Variants in EDC4 observed in about 807,000 individuals in gnomAD.
The protein encoded by EDC4 is enhancer of mRNA decapping 4.
In EDC4, 64 loss-of-function variants were observed where a neutral mutation model predicts 155.8. That is an observed-to-expected ratio of 0.41 (90% CI 0.34 to 0.51). The LOEUF (loss-of-function observed/expected upper bound fraction) is 0.51, where lower values mean the gene tolerates loss of function less well. Ranked by LOEUF, EDC4 falls within the 20% of genes least tolerant of loss-of-function variation. The pLI, the probability that EDC4 is intolerant of heterozygous loss-of-function variation, is 0.19. For synonymous variants in EDC4, 684 were observed against 716.8 expected, an observed-to-expected ratio of 0.95 and a Z score of 0.73; for missense variants, 1,303 against 1,812.5, an observed-to-expected ratio of 0.72 and a Z score of 5.10.
chr16:67,881,751 G>T lies in EDC4; in HGVS notation c.2910G>T (p.Glu970Asp). The T allele has an allele frequency of 6.2e-7, 1 of 1,614,116 alleles. No homozygotes were observed. The highest frequency in any genetic ancestry group is 8.5e-7 in the Non-Finnish European group (1 of 1,180,006). The part of the protein sequence containing the change: ...ELAELRHSQE[E>D]LLQRLCTQLE... ...CAGAGCTGCGGCACAGCCAGGAAGAGCTGCTGCAGCGTCTGTGTACCCAAC... is the reference window on the plus strand; with the variant it reads ...CAGAGCTGCGGCACAGCCAGGAAGATCTGCTGCAGCGTCTGTGTACCCAAC... The change falls in exon 22 of 29, where the codon GAG becomes GAT. Residue 970 changes from glutamate to aspartate, a missense_variant. By Grantham distance (45) the Glu-to-Asp change is conservative (BLOSUM62 2). Coordinates refer to ENST00000358933, the MANE Select transcript of EDC4 (RefSeq NM_014329.5). This position sits in a 1 kb window ranked among gnomAD's most constrained non-coding sequence, Gnocchi z 5.4.
Position 67,882,711 on chromosome 16 carries a change from CG to C in EDC4, c.3477del (p.Lys1160ArgfsTer12). On this transcript the variant is annotated frameshift_variant, in exon 26 of 29. Coordinates refer to ENST00000358933, the MANE Select transcript of EDC4 (RefSeq NM_014329.5). LOFTEE classifies it high-confidence loss of function. This position sits in a 1 kb window ranked among gnomAD's most constrained non-coding sequence, Gnocchi z 7.2. ...LQQLESHMKSRKAREQEAREP... is the reference protein window; with the variant it reads ...LQQLESHMKSXKAREQEAREP... ...GCAGCTAGAAAGCCACATGAAGAGC[CG>C]GAAGGCACGGGAACAGGAGGCCAGG... 6.2e-7 allele frequency: 1 copy of C among 1,614,232 alleles called. No homozygotes were observed. Among genetic ancestry groups the C allele is most frequent in the Non-Finnish European group, 8.5e-7 (1 of 1,180,042 alleles).
rs553326569 is a variant in EDC4 at position 67,877,951 on chromosome 16, G to C, written c.894+106G>C. 2 of 1,532,050 alleles carry C rather than the reference G, an allele frequency of 1.3e-6. No individual in the cohort carries two copies. The highest frequency in any genetic ancestry group is 2.7e-5 in the African/African-American group (2 of 73,000). 94.9% of individuals were successfully genotyped at this position (1,532,050 alleles called of 1,614,324 possible). A position where few individuals can be genotyped will look rare whatever the true frequency, so the allele number is the denominator to read the frequency against. On this transcript the variant is annotated intron_variant, in intron 7 of 28. Coordinates refer to ENST00000358933, the MANE Select transcript of EDC4 (RefSeq NM_014329.5). This position sits in a 1 kb window ranked among gnomAD's most constrained non-coding sequence, Gnocchi z 4.9. ...GGGCAGCTTTACTAGCATTCTGCCC[G>C]TGGGGACTCTGAGCTCAAATTGGCC... is the stretch of plus-strand genomic sequence containing the variant.
Position 67,884,064 on chromosome 16 carries a change from G to A in EDC4, c.4122G>A (p.Gln1374=), listed in dbSNP as rs776427666. 6.2e-7 allele frequency: 1 copy of A among 1,614,160 alleles called. No homozygotes were observed. The highest frequency in any genetic ancestry group is 8.5e-7 in the Non-Finnish European group (1 of 1,180,034). The stretch of plus-strand genomic sequence containing the variant: ...GCCAAAAGCTTTTTCAGTTCCTGCA[G>A]GCTGAGCCACACAACTCACTTGGCA... ...QVRQKLFQFL[Q]AEPHNSLGKA... Residue 1374 remains glutamine, a synonymous_variant, in exon 29 of 29, where the codon CAG becomes CAA. Transcript: ENST00000358933. This position sits in a 1 kb window ranked among gnomAD's most constrained non-coding sequence, Gnocchi z 4.1.
At position 67,877,682 on chromosome 16, in the gene EDC4, G is replaced by A. The variant is rs1459103122; in HGVS notation, c.789+26G>A. 2 of 1,614,074 alleles carry A rather than the reference G, an allele frequency of 1.2e-6. No homozygotes were observed. The highest frequency in any genetic ancestry group is 1.7e-6 in the Non-Finnish European group (2 of 1,180,014). ...GTGAGGGGGCTGACATGGCGAAGAG[G>A]CGCCAGAGAAGCCATAGTGTGGGGT... On this transcript the variant is annotated intron_variant, in intron 6 of 28. Transcript: ENST00000358933. The surrounding 1 kb of genome is among the most constrained non-coding windows in gnomAD (Gnocchi z 4.9).
Position 67,879,435 on chromosome 16 carries a change from G to A in EDC4, c.1565G>A (p.Arg522His), listed in dbSNP as rs370365160. ...AGGGCACTGCAAGATGTGCAGATCCGCTTCCAGCCACAGCTGAACCCTGAT... is the reference window on the plus strand; with the variant it reads ...AGGGCACTGCAAGATGTGCAGATCCACTTCCAGCCACAGCTGAACCCTGAT... ...HTKALQDVQI[R>H]FQPQLNPDVV... Residue 522 changes from arginine (R) to histidine (H), a missense_variant, in exon 14 of 29, where the codon CGC becomes CAC. Arg to His is a conservative substitution (Grantham distance 29). This residue lies in a region of EDC4 where 391 missense variants were observed against 445.4 expected (regional missense o/e 0.88). Coordinates refer to ENST00000358933, the MANE Select transcript of EDC4 (RefSeq NM_014329.5). This position sits in a 1 kb window ranked among gnomAD's most constrained non-coding sequence, Gnocchi z 6.0. 102 of 1,614,124 alleles carry A rather than the reference G, an allele frequency of 6.3e-5. No individual in the cohort carries two copies. In the South Asian group the frequency reaches 9.3e-4, roughly 15 times the overall value.
Position 67,873,261 on chromosome 16 carries a change from C to A in EDC4, c.-1C>A. 2.1e-6 allele frequency: 3 copies of A among 1,459,692 alleles called. No homozygotes were observed. Among genetic ancestry groups the A allele is most frequent in the Middle Eastern group, 2.1e-4 (1 of 4,720 alleles). The allele number at this position is 1,459,692 out of a possible 1,614,324, so 90.4% of individuals were successfully genotyped here. ...CGGGCGGGGCGCCCGCCGCAGGGCC[C>A]ATGGCCTCCTGCGCGAGCATCGACA... On this transcript the variant is annotated 5_prime_UTR_variant, in exon 1 of 29. Transcript: ENST00000358933.
rs1237275580 is a variant in EDC4, at chr16:67,876,048, C to G, written c.186C>G (p.Asn62Lys). 5 of 1,614,082 alleles carry G rather than the reference C, an allele frequency of 3.1e-6. No individual in the cohort carries two copies. The highest frequency in any genetic ancestry group is 4.2e-6 in the Non-Finnish European group (5 of 1,180,048). Residue 62 changes from asparagine to lysine, a missense_variant, in exon 2 of 29, where the codon AAC becomes AAG. This residue lies in a region of EDC4 where 99 missense variants were observed against 121.3 expected (regional missense o/e 0.82). Transcript: ENST00000358933. This position sits in a 1 kb window ranked among gnomAD's most constrained non-coding sequence, Gnocchi z 5.8. ...PLCSGDSTSANKTGLRTMPPI... is the reference protein window; with the variant it reads ...PLCSGDSTSAKKTGLRTMPPI... ...GCTCAGGTGATAGTACCTCAGCAAACAAGACTGGTCTTCGGACCATGCCAC... is the reference window on the plus strand; with the variant it reads ...GCTCAGGTGATAGTACCTCAGCAAAGAAGACTGGTCTTCGGACCATGCCAC...
chr16:67,880,503 C>T lies in EDC4; in HGVS notation c.2098-54C>T, dbSNP rs1257286056. ...ATACTAATGCCTCGTCTCTGTGCCCCCCATCTCTGCCTCACTTCCTGTCAC... is the reference window on the plus strand; with the variant it reads ...ATACTAATGCCTCGTCTCTGTGCCCTCCATCTCTGCCTCACTTCCTGTCAC... On this transcript the variant is annotated intron_variant, in intron 17 of 28. Transcript: ENST00000358933. This position sits in a 1 kb window ranked among gnomAD's most constrained non-coding sequence, Gnocchi z 5.2. The T allele has an allele frequency of 1.9e-6, 3 of 1,587,580 alleles. No individual in the cohort carries two copies. In the African/African-American group the frequency reaches 4.0e-5, roughly 21 times the overall value.
chr16:67,883,960 C>G lies in EDC4; in HGVS notation c.4018C>G (p.Leu1340Val), dbSNP rs762617198. The G allele has an allele frequency of 1.3e-6, 2 of 1,595,514 alleles. No individual in the cohort carries two copies. The highest frequency in any genetic ancestry group is 1.7e-6 in the Non-Finnish European group (2 of 1,167,084). ...GTRTDLKLSYLEEAVMHLDHS... is the reference protein window; with the variant it reads ...GTRTDLKLSYVEEAVMHLDHS... ...TCCTTTCCCCCCCATCCCCAGCTAC[C>G]TGGAAGAGGCCGTGATGCACCTGGA... The change falls in exon 29 of 29, where the codon CTG (leucine) becomes GTG (valine). Residue 1340 changes from leucine to valine, a missense_variant. This residue lies in a region of EDC4 where 527 missense variants were observed against 757.0 expected (regional missense o/e 0.70). Transcript: ENST00000358933. The surrounding 1 kb of genome is among the most constrained non-coding windows in gnomAD (Gnocchi z 5.3).
chr16:67,875,791 C>CGAGATGGAGAGATCAGTGTTTATG, intron 1 of EDC4, 154 bp from the exon 2 acceptor site: 1 of 1,459,248 alleles, frequency 6.9e-7, no homozygotes, highest in South Asian at 1.4e-5. Context: ...GTTTATGGAA[C>CGAGATGGAGAGATCAGTGTTTATG]GAGAGATGAA....
rs1033419238 is a variant in EDC4 at position 67,873,194 on chromosome 16, C to T, written c.-68C>T. On this transcript the variant is annotated 5_prime_UTR_variant, in exon 1 of 29. Transcript: ENST00000358933. ...GCTGTCTCGCCCCGTGGCGGGTGAG[C>T]GAGGGTGCGTGGTGCGCGGCGGCGG... 4.1e-6 allele frequency: 5 copies of T among 1,212,392 alleles called. No individual in the cohort carries two copies. In the African/African-American group the frequency reaches 6.4e-5, roughly 16 times the overall value. 75.1% of individuals were successfully genotyped at this position (1,212,392 alleles called of 1,614,324 possible).
At chr16:67,873,519 C>G in intron 1 of EDC4, 176 bp downstream of exon 1, 1 of 484,496 alleles carries the variant, frequency 2.1e-6, no homozygotes, top group Non-Finnish European at 3.6e-6. Flanking sequence ...GGTGTGACCC[C>G]TCCCTATCTT....
Position 67,876,382 on chromosome 16 carries a change from G to C in EDC4, c.240-106G>C. ...CAGTGGACCAGGCGAAGCTGACATT[G>C]GACTAGATACCTTCCCCAGTCTGGC... On this transcript the variant is annotated intron_variant, in intron 2 of 28. Transcript: ENST00000358933. This position sits in a 1 kb window ranked among gnomAD's most constrained non-coding sequence, Gnocchi z 5.8. The C allele has an allele frequency of 6.7e-7, 1 of 1,496,468 alleles. No individual in the cohort carries two copies. Among genetic ancestry groups the C allele is most frequent in the Non-Finnish European group, 9.0e-7 (1 of 1,116,730 alleles). 92.7% of individuals were successfully genotyped at this position (1,496,468 alleles called of 1,614,324 possible).
In EDC4 at chr16:67,880,353, C is replaced by A; in HGVS notation, c.2097+137C>A. On this transcript the variant is annotated intron_variant, in intron 17 of 28. Coordinates refer to ENST00000358933, the MANE Select transcript of EDC4 (RefSeq NM_014329.5). The surrounding 1 kb of genome is among the most constrained non-coding windows in gnomAD (Gnocchi z 5.2). ...GGTCCGTGTTTCCCTGAGGTCATTT[C>A]ACCCTCCTGTGTTTCCTGGTGGGTG... 7.1e-7 allele frequency: 1 copy of A among 1,407,564 alleles called. No homozygotes were observed. Among genetic ancestry groups the A allele is most frequent in the Non-Finnish European group, 9.5e-7 (1 of 1,052,632 alleles). The allele number at this position is 1,407,564 out of a possible 1,614,324, so 87.2% of individuals were successfully genotyped here.
chr16:67,882,762 G>A lies in EDC4; in HGVS notation c.3526G>A (p.Gly1176Ser). The A allele has an allele frequency of 6.2e-7, 1 of 1,614,244 alleles. No homozygotes were observed. The highest frequency in any genetic ancestry group is 1.1e-5 in the South Asian group (1 of 91,092). The change falls in exon 26 of 29, where the codon GGC (glycine) becomes AGC (serine). Residue 1176 changes from glycine (G) to serine (S), a missense_variant. Physicochemically the swap from Gly to Ser is moderately conservative, Grantham distance 56. Around this residue, in one of 5 missense-constraint regions of EDC4, gnomAD observed 527 missense variants for 757.0 expected, o/e 0.70. Transcript: ENST00000358933. This position sits in a 1 kb window ranked among gnomAD's most constrained non-coding sequence, Gnocchi z 7.2. ...GGAGCCTGTGCTAGCCCAGCTGCGG[G>A]GCCTGGTCAGCACACTGCAGAGTGC... Reference protein sequence around the residue: ...AREPVLAQLRGLVSTLQSATE... With the variant: ...AREPVLAQLRSLVSTLQSATE...
At chr16:67,873,968 C>T (rs1185868486) in intron 1 of EDC4, among the ~76,000 whole-genome samples, 1 of 152,192 alleles carries the variant, frequency 6.6e-6, no homozygotes, top group African/African-American at 2.4e-5. Flanking sequence ...CTTAATGATA[C>T]CTCAGAACTA....
rs1178379824 is a variant in EDC4 at position 67,873,231 on chromosome 16, C to T, written c.-31C>T. The T allele has an allele frequency of 7.3e-7, 1 of 1,372,954 alleles. No homozygotes were observed. 85.0% of individuals were successfully genotyped at this position (1,372,954 alleles called of 1,614,324 possible). A position where few individuals can be genotyped will look rare whatever the true frequency, so the allele number is the denominator to read the frequency against. On this transcript the variant is annotated 5_prime_UTR_variant, in exon 1 of 29. Transcript: ENST00000358933. ...GTGCGCGGCGGCGGCGGAACGAACG[C>T]GGTGCGGGCGGGGCGCCCGCCGCAG...
At position 67,878,325 on chromosome 16, in the gene EDC4, C is replaced by T. The variant is rs1233859067; in HGVS notation, c.1005-35C>T. 2 of 1,614,224 alleles carry T rather than the reference C, an allele frequency of 1.2e-6. No homozygotes were observed. The highest frequency in any genetic ancestry group is 1.7e-6 in the Non-Finnish European group (2 of 1,180,048). On this transcript the variant is annotated intron_variant, in intron 8 of 28. Coordinates refer to ENST00000358933, the MANE Select transcript of EDC4 (RefSeq NM_014329.5). This position sits in a 1 kb window ranked among gnomAD's most constrained non-coding sequence, Gnocchi z 5.2. The stretch of plus-strand genomic sequence containing the variant: ...GATCCTCCCGAGGTAGCCCACCCGA[C>T]CACTCACTCAGGCCCCTCATCTGCC...
rs376969297 is a variant in EDC4 at position 67,878,664 on chromosome 16, C to T, written c.1184+33C>T. On this transcript the variant is annotated intron_variant, in intron 10 of 28. Transcript: ENST00000358933. The surrounding 1 kb of genome is among the most constrained non-coding windows in gnomAD (Gnocchi z 5.2). ...GTGGCTGGAAGGCTGGGGGACTGGG[C>T]AGGGGCGGCAGGGTTGGGAATGTAG... 2.5e-5 allele frequency: 40 copies of T among 1,614,052 alleles called. No homozygotes were observed. In the African/African-American group the frequency reaches 4.7e-4, roughly 19 times the overall value.
Sources: allele counts gnomAD v4.1 joint callset (sites outside exome capture counted in the v4.1 genomes callset), GRCh38; gene constraint gnomAD v4.1.1; regional missense constraint gnomAD v4.1.1; non-coding constraint Gnocchi (gnomAD v3.1); transcripts MANE v1.5; gene names NCBI Gene and HGNC (gene_info 2026-07-23, HGNC 2026-07-21).